Variants in CNOT11 observed in about 807,000 individuals in gnomAD.
The protein encoded by CNOT11 is UPF0760 protein C2orf29.
In CNOT11, 18 loss-of-function variants were observed where a neutral mutation model predicts 44.6. That is an observed-to-expected ratio of 0.40 (90% CI 0.28 to 0.60). CNOT11 has a LOEUF of 0.60. Among genes scored for constraint, CNOT11 ranks in the 20% least tolerant of loss-of-function variants. The pLI, the probability that CNOT11 is intolerant of heterozygous loss-of-function variation, is 0.38. For synonymous variants in CNOT11, 291 were observed against 270.9 expected (o/e 1.07, Z -0.73); for missense variants, 513 against 677.0 (o/e 0.76, Z 2.69).
At chr2:101,268,410 C>T (rs748282819) in intron 5 of CNOT11, among the ~76,000 whole-genome samples, 28 of 152,184 alleles carry the variant, frequency 1.8e-4, no homozygotes, top group Non-Finnish European at 3.8e-4. Context: ...ATTCTATCTG[C>T]TCAGTATCTT....
intron 3 of CNOT11, 59 bp from the exon 4 acceptor site, chr2:101,264,786 T>G: frequency 5.3e-5 from 69 of 1,296,088 alleles, no homozygotes; most frequent in Non-Finnish European, 6.9e-5. Flanking sequence ...GTGAAATGTG[T>G]GAGATGTGTA....
Position 101,252,995 on chromosome 2 carries a change from G to T in CNOT11, c.31G>T (p.Gly11Cys). The T allele has an allele frequency of 6.7e-7, 1 of 1,496,860 alleles. No homozygotes were observed. Among genetic ancestry groups the T allele is most frequent in the South Asian group, 1.2e-5 (1 of 80,298 alleles). The allele number at this position is 1,496,860 out of a possible 1,614,324, so 92.7% of individuals were successfully genotyped here. A position where few individuals can be genotyped will look rare whatever the true frequency, so the allele number is the denominator to read the frequency against. The change falls in exon 1 of 7, where the codon GGC (glycine) becomes TGC (cysteine). Residue 11 changes from glycine to cysteine, a missense_variant. Transcript: ENST00000289382. MPGGGASAAS[G>C]RLLTAAEQRG... is the part of the protein sequence containing the mutation. The stretch of plus-strand genomic sequence containing the variant: ...CGGCGGAGGGGCGAGCGCGGCGTCT[G>T]GCCGGCTTCTCACCGCCGCGGAGCA...
At chr2:101,265,169 C>G (rs141673056) in intron 4 of CNOT11, 122 bp downstream of exon 4, 2 of 568,048 alleles carry the variant, frequency 3.5e-6, no homozygotes, top group African/African-American at 3.8e-5. Context: ...GGCACGATCT[C>G]GGCTCACTGC....
chr2:101,254,315 A>T (rs558604764), intron 1 of CNOT11, among the ~76,000 whole-genome samples: 3 of 152,178 alleles, frequency 2.0e-5, no homozygotes, highest in African/African-American at 7.2e-5. Flanking sequence ...CAGTATAGGT[A>T]GGGCCTGCTA....
chr2:101,253,889 G>A lies in CNOT11; in HGVS notation c.514+411G>A, dbSNP rs2104359582. Among the ~76,000 whole-genome samples, 1 of 152,312 alleles carries A rather than the reference G, an allele frequency of 6.6e-6. No individual in the cohort carries two copies. Among genetic ancestry groups the A allele is most frequent in the South Asian group, 2.1e-4 (1 of 4,832 alleles). On this transcript the variant is annotated intron_variant, in intron 1 of 6. Transcript: ENST00000289382. This position sits in a 1 kb window ranked among gnomAD's most constrained non-coding sequence, Gnocchi z 4.3. ...TGGAAGTCAGTATTAAGAAGCTGAA[G>A]AAGTTGGTGGGCGGAAATACACATG... is the stretch of plus-strand genomic sequence containing the variant.
chr2:101,262,502 A>C (rs1432639478), intron 2 of CNOT11, 37 bp from the exon 3 acceptor site: 5 of 1,604,378 alleles, frequency 3.1e-6, no homozygotes, highest in African/African-American at 2.7e-5. Context: ...CTCTCTCCTC[A>C]TGATGTCCAT....
intron 1 of CNOT11, among the ~76,000 whole-genome samples, chr2:101,255,602 C>G (rs1043702739): frequency 2.0e-5 from 3 of 152,104 alleles, no homozygotes; most frequent in Admixed American, 6.5e-5. Flanking sequence ...TGCCTACACT[C>G]CACTCCCAGA....
chr2:101,253,325 G>A lies in CNOT11; in HGVS notation c.361G>A (p.Ala121Thr). 1.9e-6 allele frequency: 3 copies of A among 1,606,324 alleles called. No homozygotes were observed. The highest frequency in any genetic ancestry group is 2.5e-6 in the Non-Finnish European group (3 of 1,179,134). Residue 121 changes from alanine (A) to threonine (T), a missense_variant, in exon 1 of 7, where the codon GCG (alanine) becomes ACG (threonine). Ala to Thr is a moderately conservative substitution (Grantham distance 58). Coordinates refer to ENST00000289382, the MANE Select transcript of CNOT11 (RefSeq NM_017546.5). This position sits in a 1 kb window ranked among gnomAD's most constrained non-coding sequence, Gnocchi z 4.3. ...LLQQPDLLPS[A>T]AQRLTALYLL... ...CCAGCAGCCCGACCTGCTGCCTAGC[G>A]CGGCGCAGCGCCTCACGGCGCTCTA...
intron 4 of CNOT11, 58 bp from the exon 5 acceptor site, chr2:101,266,619 T>C (rs1573203755): frequency 7.5e-7 from 1 of 1,338,498 alleles, no homozygotes; most frequent in East Asian, 2.3e-5. Context: ...GGAAAAAAAA[T>C]TGACTCAACA....
At position 101,252,998 on chromosome 2, in the gene CNOT11, C is replaced by A; in HGVS notation, c.34C>A (p.Arg12=). Reference sequence around the variant, plus strand: ...CGGAGGGGCGAGCGCGGCGTCTGGCCGGCTTCTCACCGCCGCGGAGCAAAG... The same window carrying A: ...CGGAGGGGCGAGCGCGGCGTCTGGCAGGCTTCTCACCGCCGCGGAGCAAAG... ...PGGGASAASG[R]LLTAAEQRGS... The change falls in exon 1 of 7, where the codon CGG becomes AGG. Residue 12 remains arginine, a synonymous_variant. Coordinates refer to ENST00000289382, the MANE Select transcript of CNOT11 (RefSeq NM_017546.5). 6.7e-7 allele frequency: 1 copy of A among 1,497,378 alleles called. No individual in the cohort carries two copies. The highest frequency in any genetic ancestry group is 8.8e-7 in the Non-Finnish European group (1 of 1,130,616). 92.8% of individuals were successfully genotyped at this position (1,497,378 alleles called of 1,614,324 possible).
rs1161101426 is a variant in CNOT11, at chr2:101,266,934, G to GGAAAGAAAAATT, written c.1238+57_1238+68dup. 4 of 1,320,654 alleles carry GGAAAGAAAAATT rather than the reference G, an allele frequency of 3.0e-6. No individual in the cohort carries two copies. In the African/African-American group the frequency reaches 5.9e-5, roughly 19 times the overall value. The allele number at this position is 1,320,654 out of a possible 1,614,324, so 81.8% of individuals were successfully genotyped here. On this transcript the variant is annotated intron_variant, in intron 5 of 6. Transcript: ENST00000289382. Reference sequence around the variant, plus strand: ...GGGATAGATACAGATTAGATGGCCAGGAAAGAAAAATTGTAACAGATTTTT... The same window carrying GGAAAGAAAAATT: ...GGGATAGATACAGATTAGATGGCCAGGAAAGAAAAATTGAAAGAAAAATTGTAACAGATTTTT...
rs1481064272 is a variant in CNOT11 at position 101,253,550 on chromosome 2, A to G, written c.514+72A>G. 7.8e-6 allele frequency: 10 copies of G among 1,279,114 alleles called. No homozygotes were observed. Among genetic ancestry groups the G allele is most frequent in the Non-Finnish European group, 1.0e-5 (10 of 978,024 alleles). 79.2% of individuals were successfully genotyped at this position (1,279,114 alleles called of 1,614,324 possible). On this transcript the variant is annotated intron_variant, in intron 1 of 6. Transcript: ENST00000289382. This position sits in a 1 kb window ranked among gnomAD's most constrained non-coding sequence, Gnocchi z 4.3. ...CAGCTTTCCACCTGCGCTGCTGGGA[A>G]CTCACCTGAAAGGGAAATTAACTAT...
chr2:101,268,305 C>T (rs2104371069), intron 5 of CNOT11, among the ~76,000 whole-genome samples: 1 of 152,306 alleles, frequency 6.6e-6, no homozygotes, highest in East Asian at 1.9e-4. Context: ...GTGTTCACTT[C>T]CCTTTCACCA....
chr2:101,256,526 A>G (rs1313721005), intron 1 of CNOT11, among the ~76,000 whole-genome samples: 2 of 152,138 alleles, frequency 1.3e-5, no homozygotes, highest in Non-Finnish European at 2.9e-5. Context: ...TGAGCAATTA[A>G]ACATGGGACA....
Position 101,261,844 on chromosome 2 carries a change from CTTTT to C in CNOT11, c.680-678_680-675del, listed in dbSNP as rs3044629. Among the ~76,000 whole-genome samples, 4 of 111,866 alleles carry C rather than the reference CTTTT, an allele frequency of 3.6e-5. No homozygotes were observed. In the South Asian group the frequency reaches 9.3e-4, roughly 26 times the overall value. The allele number at this position is 111,866 out of a possible 152,430, so 73.4% of individuals were successfully genotyped here. A position where few individuals can be genotyped will look rare whatever the true frequency, so the allele number is the denominator to read the frequency against. ...TTTTTTCCTGTTGGTTTCTTTCTTT[CTTTT>C]TTTTTTTTTTTTTTTTGAGATGGAG... On this transcript the variant is annotated intron_variant, in intron 2 of 6. Transcript: ENST00000289382.
chr2:101,254,745 A>T (rs191325936), intron 1 of CNOT11, among the ~76,000 whole-genome samples: 48 of 152,226 alleles, frequency 3.2e-4, no homozygotes, highest in Admixed American at 5.9e-4. Flanking sequence ...AGCAATAAAA[A>T]ATTTGCTGGG....
intron 2 of CNOT11, among the ~76,000 whole-genome samples, chr2:101,261,496 T>C (rs1681861073): frequency 6.6e-6 from 1 of 152,224 alleles, no homozygotes; most frequent in Non-Finnish European, 1.5e-5. Flanking sequence ...TGAACATTCT[T>C]GCACATTATT....
intron 1 of CNOT11, among the ~76,000 whole-genome samples, chr2:101,257,282 A>T (rs1681754082): frequency 1.3e-5 from 2 of 151,732 alleles, no homozygotes; most frequent in Non-Finnish European, 2.9e-5. Context: ...AATCCCAGCT[A>T]CTTGGGAGGC....
At chr2:101,262,944 G>A (rs887722166) in intron 3 of CNOT11, among the ~76,000 whole-genome samples, 18 of 152,114 alleles carry the variant, frequency 1.2e-4, no homozygotes, top group African/African-American at 4.3e-4. Context: ...GATACAGGCT[G>A]GGCGCAGTGG....
Sources: gnomAD v4.1 joint callset for allele counts (sites outside exome capture counted in the v4.1 genomes callset) on GRCh38, gnomAD v4.1.1 for gene constraint, Gnocchi (gnomAD v3.1) non-coding constraint, MANE v1.5 for transcripts, NCBI Gene and HGNC (gene_info 2026-07-23, HGNC 2026-07-21) for gene names.